Variants in MYCBPAP observed in about 807,000 individuals in gnomAD.
MYCBPAP encodes the protein MYCBP associated protein, also known as MYCBP-associated protein.
Under a neutral mutation model 106.1 loss-of-function variants are expected in MYCBPAP, and 60 were observed. That is an observed-to-expected ratio of 0.57 (90% CI 0.46 to 0.70). MYCBPAP has a LOEUF of 0.70. MYCBPAP is among the 30% of genes least tolerant of loss of function. The pLI, the probability that MYCBPAP is intolerant of heterozygous loss-of-function variation, is 0.00. For synonymous variants in MYCBPAP, 407 were observed against 440.6 expected (o/e 0.92, Z 0.95); for missense variants, 1,064 against 1,169.3 (o/e 0.91, Z 1.31).
In MYCBPAP at chr17:50,519,073, C is replaced by G. The variant is rs759277389; in HGVS notation, c.752C>G (p.Thr251Ser). Residue 251 changes from threonine (T) to serine (S), a missense_variant, in exon 6 of 19, where the codon ACC (threonine) becomes AGC (serine). Physicochemically the swap from Thr to Ser is moderately conservative, Grantham distance 58. Coordinates refer to ENST00000323776, the MANE Select transcript of MYCBPAP (RefSeq NM_032133.6). The part of the protein sequence containing the change: ...ERELIDCTLP[T>S]RRDRKSWENS... ...GAGCTCATTGACTGCACACTTCCAA[C>G]CCGGCGTGATAGGAAAGTGAGGCCA... The G allele has an allele frequency of 1.1e-5, 17 of 1,613,554 alleles. No individual in the cohort carries two copies. Among genetic ancestry groups the G allele is most frequent in the Non-Finnish European group, 1.4e-5 (17 of 1,179,766 alleles).
chr17:50,522,481 C>T (rs1402842411), intron 10 of MYCBPAP: 1 of 164,490 alleles, frequency 6.1e-6, no homozygotes, highest in Non-Finnish European at 1.3e-5. Flanking sequence ...GATCACCTGA[C>T]ATCAGGAGTT....
Position 50,524,935 on chromosome 17 carries a change from T to C in MYCBPAP, c.1694T>C (p.Leu565Pro). 1 of 1,614,048 alleles carries C rather than the reference T, an allele frequency of 6.2e-7. No homozygotes were observed. The highest frequency in any genetic ancestry group is 1.1e-5 in the South Asian group (1 of 91,090). ...GTTCGCGAAGTGCTGCAGGAGCTGCTGATGGGGGTCTTGACCCCGGAGCGC... is the reference window on the plus strand; with the variant it reads ...GTTCGCGAAGTGCTGCAGGAGCTGCCGATGGGGGTCTTGACCCCGGAGCGC... ...TVVREVLQEL[L>P]MGVLTPERTP... Residue 565 changes from leucine to proline, a missense_variant, in exon 13 of 19, where the codon CTG becomes CCG. Coordinates refer to ENST00000323776, the MANE Select transcript of MYCBPAP (RefSeq NM_032133.6).
rs1188454989 is a variant in MYCBPAP, at chr17:50,516,666, C to A, written c.173C>A (p.Ala58Asp). Residue 58 changes from alanine to aspartate, a missense_variant, in exon 2 of 19, where the codon GCC (alanine) becomes GAC (aspartate). By Grantham distance (126) the Ala-to-Asp change is moderately radical. Transcript: ENST00000323776. ...SNVLQGDDIL[A>D]LAIKKEDLKE... ...GTCCTACAAGGAGATGACATTCTTG[C>A]CTTGGCCATTAAGAAGGAAGACTTG... 1 of 1,614,032 alleles carries A rather than the reference C, an allele frequency of 6.2e-7. No individual in the cohort carries two copies. The highest frequency in any genetic ancestry group is 8.5e-7 in the Non-Finnish European group (1 of 1,179,972).
intron 14 of MYCBPAP, 33 bp from the exon 15 acceptor site, chr17:50,527,254 C>G (rs369427084): frequency 3.3e-5 from 53 of 1,612,732 alleles, no homozygotes; most frequent in Non-Finnish European, 3.9e-5. Context: ...GCCTTGGTGT[C>G]CTGGTGCAGA....
intron 13 of MYCBPAP, among the ~76,000 whole-genome samples, chr17:50,525,562 T>C (rs1463313759): frequency 1.3e-5 from 2 of 152,008 alleles, no homozygotes; most frequent in East Asian, 1.9e-4. Flanking sequence ...TCATAGCTCA[T>C]TGTGACCTCA....
rs1418345705 is a variant in MYCBPAP, at chr17:50,510,499, G to GTGTGTGTGTATATA, written c.76+1750_76+1751insGTGTGTGTATATAT. On this transcript the variant is annotated intron_variant, in intron 1 of 18. Transcript: ENST00000323776. ...TGTGTGTGTGTGTGTGTGTGTGTGT[G>GTGTGTGTGTATATA]TATATATATATATATATATATATAT... 1.1e-3 allele frequency: 84 copies of GTGTGTGTGTATATA among 76,374 alleles called. 1 individual carries two copies. Among genetic ancestry groups the GTGTGTGTGTATATA allele is most frequent in the African/African-American group, 3.8e-3 (82 of 21,792 alleles). 4.7% of individuals were successfully genotyped at this position (76,374 alleles called of 1,614,324 possible).
At chr17:50,522,169 G>C in intron 10 of MYCBPAP, 88 bp downstream of exon 10, 1 of 1,076,078 alleles carries the variant, frequency 9.3e-7, no homozygotes, top group East Asian at 2.5e-5. Flanking sequence ...AGCCTGCACA[G>C]TCTCCTGTTT....
chr17:50,524,995 A>AG lies in MYCBPAP; in HGVS notation c.1754_1755insG (p.Asp586ArgfsTer13). Reference sequence around the variant, plus strand: ...CCTGTGGATGCCTATCTCACCGAGGAAGACTTGTTCCGGCACAGAAATCCT... The same window carrying AG: ...CCTGTGGATGCCTATCTCACCGAGGAGAGACTTGTTCCGGCACAGAAATCCT... On this transcript the variant is annotated frameshift_variant, in exon 13 of 19. Transcript: ENST00000323776. LOFTEE classifies it high-confidence loss of function. The AG allele has an allele frequency of 6.2e-7, 1 of 1,613,594 alleles. No homozygotes were observed. The highest frequency in any genetic ancestry group is 8.5e-7 in the Non-Finnish European group (1 of 1,179,834).
chr17:50,525,992 C>T lies in MYCBPAP; in HGVS notation c.1894C>T (p.Pro632Ser). 6.2e-7 allele frequency: 1 copy of T among 1,613,888 alleles called. No homozygotes were observed. Among genetic ancestry groups the T allele is most frequent in the Non-Finnish European group, 8.5e-7 (1 of 1,180,030 alleles). Reference sequence around the variant, plus strand: ...GCCAGGGGACAAGGAGCACGTCAGCCCCATAGCCACAGAGAAGGCCTCTGT... The same window carrying T: ...GCCAGGGGACAAGGAGCACGTCAGCTCCATAGCCACAGAGAAGGCCTCTGT... ...ARPGDKEHVS[P>S]IATEKASVNA... The change falls in exon 14 of 19, where the codon CCC (proline) becomes TCC (serine). Residue 632 changes from proline (P) to serine (S), a missense_variant. Transcript: ENST00000323776.
chr17:50,514,913 C>T, intron 1 of MYCBPAP: 1 of 454,090 alleles, frequency 2.2e-6, no homozygotes, highest in African/African-American at 2.0e-5. Context: ...GATCTTGCAA[C>T]TCTTAATCCA....
Position 50,519,775 on chromosome 17 carries a change from C to G in MYCBPAP, c.904C>G (p.Arg302Gly). 1 of 1,613,626 alleles carries G rather than the reference C, an allele frequency of 6.2e-7. No homozygotes were observed. The highest frequency in any genetic ancestry group is 2.2e-5 in the East Asian group (1 of 44,866). ...ITHIRKPHSI[R>G]VETGLPAQRD... Reference sequence around the variant, plus strand: ...TCACATCAGGAAGCCCCACTCCATCCGGGTGGAGACAGGTGAGGCGCAGGG... The same window carrying G: ...TCACATCAGGAAGCCCCACTCCATCGGGGTGGAGACAGGTGAGGCGCAGGG... The change falls in exon 7 of 19, where the codon CGG becomes GGG. Residue 302 changes from arginine (R) to glycine (G), a missense_variant. Coordinates refer to ENST00000323776, the MANE Select transcript of MYCBPAP (RefSeq NM_032133.6).
At position 50,519,748 on chromosome 17, in the gene MYCBPAP, A is replaced by G; in HGVS notation, c.877A>G (p.Thr293Ala). 6.2e-7 allele frequency: 1 copy of G among 1,613,972 alleles called. No individual in the cohort carries two copies. The highest frequency in any genetic ancestry group is 8.5e-7 in the Non-Finnish European group (1 of 1,179,974). The change falls in exon 7 of 19, where the codon ACT (threonine) becomes GCT (alanine). Residue 293 changes from threonine (T) to alanine (A), a missense_variant. Transcript: ENST00000323776. ...TCAGCGTGGCCTCATGGAGCCCATC[A>G]CTCACATCAGGAAGCCCCACTCCAT... ...KTQRGLMEPITHIRKPHSIRV... is the reference protein window; with the variant it reads ...KTQRGLMEPIAHIRKPHSIRV...
intron 1 of MYCBPAP, among the ~76,000 whole-genome samples, chr17:50,515,342 A>T (rs67132646): frequency 1.3e-5 from 2 of 151,982 alleles, no homozygotes; most frequent in African/African-American, 2.4e-5. Context: ...AAGCTCTGGC[A>T]TGTATCCCTA....
upstream of MYCBPAP, chr17:50,508,427 G>A (rs1485448725): frequency 1.0e-6 from 1 of 975,962 alleles, no homozygotes; most frequent in Non-Finnish European, 1.5e-6. Flanking sequence ...TGGCGTCACA[G>A]GCCGGGCCCG....
At chr17:50,523,468 C>A in intron 11 of MYCBPAP, 129 bp from the exon 12 acceptor site, 1 of 943,194 alleles carries the variant, frequency 1.1e-6, no homozygotes, top group Non-Finnish European at 1.6e-6. Context: ...AACCTCTCAG[C>A]CCTGGGCAAA....
At chr17:50,517,729 G>A in intron 4 of MYCBPAP, 31 bp downstream of exon 4, 1 of 1,588,064 alleles carries the variant, frequency 6.3e-7, no homozygotes, top group Non-Finnish European at 8.6e-7. Flanking sequence ...CCGGATGAGA[G>A]CAGTCACTGA....
At chr17:50,508,362 C>CCCCCGCCCCG (rs1034619229), upstream of MYCBPAP, 9 of 519,088 alleles carry the variant, frequency 1.7e-5, no homozygotes, top group East Asian at 7.2e-5. Flanking sequence ...TCGCCCGGGT[C>CCCCCGCCCCG]CCCCGCCCCG....
chr17:50,525,947 G>A lies in MYCBPAP; in HGVS notation c.1849G>A (p.Ala617Thr), dbSNP rs199636857. ...QLWRQYMTLP[A>T]KAEEARPGDK... The stretch of plus-strand genomic sequence containing the variant: ...GTGGCGCCAGTACATGACCCTGCCC[G>A]CCAAGGCTGAGGAGGCCAGGCCAGG... Residue 617 changes from alanine (A) to threonine (T), a missense_variant, in exon 14 of 19, where the codon GCC becomes ACC. Coordinates refer to ENST00000323776, the MANE Select transcript of MYCBPAP (RefSeq NM_032133.6). The A allele has an allele frequency of 3.2e-5, 52 of 1,613,622 alleles. No individual in the cohort carries two copies. Among genetic ancestry groups the A allele is most frequent in the Admixed American group, 2.7e-4 (16 of 60,016 alleles).
chr17:50,526,045 G>A lies in MYCBPAP; in HGVS notation c.1947G>A (p.Arg649=). The A allele has an allele frequency of 6.2e-7, 1 of 1,613,906 alleles. No individual in the cohort carries two copies. The highest frequency in any genetic ancestry group is 8.5e-7 in the Non-Finnish European group (1 of 1,180,022). ...ATGCTGAGCTGTTACCACGCTTTAG[G>A]AGCCCCATCTCCGAAACTCAAGTGC... ...SVNAELLPRF[R]SPISETQVPR... is the part of the protein sequence containing the mutation. Residue 649 remains arginine (R), a synonymous_variant, in exon 14 of 19, where the codon AGG becomes AGA. Transcript: ENST00000323776.
Sources: gnomAD v4.1 joint callset for allele counts (sites outside exome capture counted in the v4.1 genomes callset) on GRCh38, gnomAD v4.1.1 for gene constraint, MANE v1.5 for transcripts, NCBI Gene and HGNC (gene_info 2026-07-23, HGNC 2026-07-21) for gene names.